Variants in PDCL2 observed in about 807,000 individuals in gnomAD.
PDCL2 encodes phosducin-like protein 2.
PDCL2 carries 23 observed loss-of-function variants against 30.3 expected under a neutral mutation model. That is an observed-to-expected ratio of 0.76 (90% CI 0.55 to 1.08). The LOEUF is 1.08. PDCL2 is among the 50% of genes least tolerant of loss of function. The probability of loss-of-function intolerance (pLI) is 0.00; values close to 1 mark genes in which losing one functional copy is unlikely to be tolerated. For missense variants in PDCL2, 243 were observed against 282.3 expected (o/e 0.86, Z 1.00); for synonymous variants, 68 against 86.2 (o/e 0.79, Z 1.17).
chr4:55,592,063 A>G, intron 1 of PDCL2, 41 bp downstream of exon 1: 1 of 1,606,350 alleles, frequency 6.2e-7, no homozygotes, highest in Non-Finnish European at 8.5e-7. Context: ...CTGGAGACCC[A>G]CTGGGTGTTC....
intron 5 of PDCL2, among the ~76,000 whole-genome samples, chr4:55,561,255 C>A (rs1240801695): frequency 1.3e-5 from 2 of 151,904 alleles, no homozygotes; most frequent in Non-Finnish European, 2.9e-5. Context: ...CTGACAGAGT[C>A]AAAGAATACC....
chr4:55,558,356 TAA>T (rs1045210748), intron 5 of PDCL2, among the ~76,000 whole-genome samples: 1 of 152,132 alleles, frequency 6.6e-6, no homozygotes, highest in African/African-American at 2.4e-5. Flanking sequence ...TGAGTTCTCA[TAA>T]GATCTGATGG....
chr4:55,581,901 G>A (rs1182474294), intron 2 of PDCL2, among the ~76,000 whole-genome samples: 1 of 152,126 alleles, frequency 6.6e-6, no homozygotes, highest in Admixed American at 6.6e-5. Flanking sequence ...TAGAGATGGG[G>A]TTTCACCGTG....
At chr4:55,567,006 G>A (rs1732285669) in intron 4 of PDCL2, among the ~76,000 whole-genome samples, 1 of 151,982 alleles carries the variant, frequency 6.6e-6, no homozygotes, top group South Asian at 2.1e-4. Context: ...TAACCACACA[G>A]GATCAGAAAA....
intron 3 of PDCL2, among the ~76,000 whole-genome samples, chr4:55,572,157 G>T (rs1029080903): frequency 1.1e-4 from 17 of 152,232 alleles, no homozygotes; most frequent in African/African-American, 3.6e-4. Context: ...GCCATTAGAA[G>T]TTCAAACAGT....
At chr4:55,589,870 G>C (rs1025239229) in intron 1 of PDCL2, among the ~76,000 whole-genome samples, 1 of 152,026 alleles carries the variant, frequency 6.6e-6, no homozygotes, top group Non-Finnish European at 1.5e-5. Flanking sequence ...CAAGTTATGG[G>C]GAGGTGACCA....
In PDCL2 at chr4:55,556,537, T is replaced by C. The variant is rs1334311211; in HGVS notation, c.*20A>G. The C allele has an allele frequency of 1.3e-6, 2 of 1,490,514 alleles. No individual in the cohort carries two copies. The highest frequency in any genetic ancestry group is 1.8e-6 in the Non-Finnish European group (2 of 1,105,970). The allele number at this position is 1,490,514 out of a possible 1,614,324, so 92.3% of individuals were successfully genotyped here. Reference sequence around the variant, plus strand: ...CATTCAGTACACATATACTAAAAGCTATTTATTGAATATTTCTCTCTATTT... The same window carrying C: ...CATTCAGTACACATATACTAAAAGCCATTTATTGAATATTTCTCTCTATTT... On this transcript the variant is annotated 3_prime_UTR_variant, in exon 6 of 6. Transcript: ENST00000295645.
At chr4:55,560,191 G>GT (rs1491142057) in intron 5 of PDCL2, among the ~76,000 whole-genome samples, 1 of 43,226 alleles carries the variant, frequency 2.3e-5, no homozygotes, top group East Asian at 5.4e-4. Flanking sequence ...AAAAAAAAAG[G>GT]GGGGGGGGAC....
At chr4:55,565,973 GTTTTT>G (rs71194595) in intron 4 of PDCL2, among the ~76,000 whole-genome samples, 3 of 74,494 alleles carry the variant, frequency 4.0e-5, no homozygotes, top group African/African-American at 1.0e-4. Context: ...CCATTTTTCT[GTTTTT>G]TTTTTTTTTT....
intron 1 of PDCL2, 37 bp downstream of exon 1, chr4:55,592,067 G>A (rs754076461): frequency 1.2e-6 from 2 of 1,607,488 alleles, no homozygotes; most frequent in African/African-American, 2.7e-5. Context: ...AGACCCACTG[G>A]GTGTTCCAGG....
intron 1 of PDCL2, 81 bp from the exon 2 acceptor site, chr4:55,582,318 C>T (rs1161122155): frequency 7.2e-7 from 1 of 1,389,688 alleles, no homozygotes; most frequent in East Asian, 2.4e-5. Context: ...AGATGTAGCA[C>T]TTCCAAGTAT....
At position 55,565,042 on chromosome 4, in the gene PDCL2, G is replaced by A. The variant is rs77157690; in HGVS notation, c.363-2430C>T. The stretch of plus-strand genomic sequence containing the variant: ...CTTTGTAAAGCTAAGGGAAGACTAG[G>A]TTAGGAGGATGAGAGGAGCCTGAAC... On this transcript the variant is annotated intron_variant, in intron 4 of 5. Coordinates refer to ENST00000295645, the MANE Select transcript of PDCL2 (RefSeq NM_152401.3). Among the ~76,000 whole-genome samples, 167 of 152,236 alleles carry A rather than the reference G, an allele frequency of 1.1e-3. 1 individual carries two copies. The highest frequency in any genetic ancestry group is 2.0e-3 in the Non-Finnish European group (135 of 68,016).
In PDCL2 at chr4:55,592,167, G is replaced by T; in HGVS notation, c.-58C>A. 1 of 1,595,482 alleles carries T rather than the reference G, an allele frequency of 6.3e-7. No individual in the cohort carries two copies. The highest frequency in any genetic ancestry group is 8.5e-7 in the Non-Finnish European group (1 of 1,171,594). ...CGTCCTGCAGCTGGCGAGGCGCCAC[G>T]GATGGAGACCCGCAGCCTTCTCCAG... On this transcript the variant is annotated 5_prime_UTR_variant, in exon 1 of 6. Coordinates refer to ENST00000295645, the MANE Select transcript of PDCL2 (RefSeq NM_152401.3).
chr4:55,584,542 C>G (rs1017756401), intron 1 of PDCL2, among the ~76,000 whole-genome samples: 1 of 152,130 alleles, frequency 6.6e-6, no homozygotes, highest in Non-Finnish European at 1.5e-5. Flanking sequence ...CAGGTATGAG[C>G]CACCATGCCT....
At position 55,556,634 on chromosome 4, in the gene PDCL2, T is replaced by A; in HGVS notation, c.649A>T (p.Met217Leu). The change falls in exon 6 of 6, where the codon ATG (methionine) becomes TTG (leucine). Residue 217 changes from methionine (M) to leucine (L), a missense_variant. Transcript: ENST00000295645. Reference sequence around the variant, plus strand: ...GTGTTTCTAATTGAAGATACCATCATATCTACCATGTCTTTTCTGGGGTTT... The same window carrying A: ...GTGTTTCTAATTGAAGATACCATCAAATCTACCATGTCTTTTCTGGGGTTT... The part of the protein sequence containing the change: ...EENPRKDMVD[M>L]MVSSIRNTSI... The A allele has an allele frequency of 6.4e-7, 1 of 1,573,792 alleles. No homozygotes were observed. Among genetic ancestry groups the A allele is most frequent in the South Asian group, 1.2e-5 (1 of 86,042 alleles).
chr4:55,559,579 A>G (rs919344142), intron 5 of PDCL2, among the ~76,000 whole-genome samples: 4 of 152,246 alleles, frequency 2.6e-5, no homozygotes, highest in Non-Finnish European at 4.4e-5. Flanking sequence ...AAGTTAAAGC[A>G]TAACAAGAAG....
At chr4:55,572,586 A>G (rs1012814644) in intron 3 of PDCL2, among the ~76,000 whole-genome samples, 5 of 152,210 alleles carry the variant, frequency 3.3e-5, no homozygotes, top group African/African-American at 7.2e-5. Flanking sequence ...GAGGGGATCA[A>G]TCATATCCCA....
chr4:55,556,833 A>AT, intron 5 of PDCL2, 122 bp from the exon 6 acceptor site: 1 of 868,142 alleles, frequency 1.2e-6, no homozygotes, highest in Non-Finnish European at 1.6e-6. Context: ...ATTTATTTAT[A>AT]GGTTTTTTTT....
chr4:55,583,063 C>A (rs1357004279), intron 1 of PDCL2, among the ~76,000 whole-genome samples: 4 of 152,140 alleles, frequency 2.6e-5, no homozygotes, highest in African/African-American at 9.7e-5. Context: ...GCAACCTCCA[C>A]CTCCTGGGTT....
Sources: gnomAD v4.1 joint callset for allele counts (sites outside exome capture counted in the v4.1 genomes callset) on GRCh38, gnomAD v4.1.1 for gene constraint, MANE v1.5 for transcripts, NCBI Gene and HGNC (gene_info 2026-07-23, HGNC 2026-07-21) for gene names.